The following TRIM24 variants were observed in gnomAD, a reference collection of about 807,000 sequenced individuals.
The protein encoded by TRIM24 is transcription intermediary factor 1-alpha.
TRIM24 carries 29 observed loss-of-function variants against 123.9 expected under a neutral mutation model. The ratio of observed to expected loss-of-function variants is 0.23; its 90% confidence interval spans 0.17 to 0.32. The LOEUF (loss-of-function observed/expected upper bound fraction) is 0.32. Among genes scored for constraint, TRIM24 ranks in the 10% least tolerant of loss-of-function variants. The pLI is 1.00. For synonymous variants in TRIM24, 456 were observed against 461.1 expected (o/e 0.99, Z 0.14); for missense variants, 932 against 1,295.3 (o/e 0.72, Z 4.31).
rs545132928 is a variant in TRIM24 at position 138,524,610 on chromosome 7, C to T, written c.765-631C>T. Among the ~76,000 whole-genome samples, 3 of 152,172 alleles carry T rather than the reference C, an allele frequency of 2.0e-5. No individual in the cohort carries two copies. The South Asian group carries it at 6.2e-4, about 32-fold the overall frequency. Reference sequence around the variant, plus strand: ...TTTATAGAAAAACTTAAATAAAATTCTTGTTATGTATCTTCTATATCGTTG... The same window carrying T: ...TTTATAGAAAAACTTAAATAAAATTTTTGTTATGTATCTTCTATATCGTTG... On this transcript the variant is annotated intron_variant, in intron 4 of 18. Coordinates refer to ENST00000343526, the MANE Select transcript of TRIM24 (RefSeq NM_015905.3).
chr7:138,553,761 T>C (rs1797259889), intron 8 of TRIM24, among the ~76,000 whole-genome samples: 1 of 152,190 alleles, frequency 6.6e-6, no homozygotes, highest in Non-Finnish European at 1.5e-5. Context: ...CAAAGTATAG[T>C]CTGGTACTCT....
rs1794935950 is a variant in TRIM24, at chr7:138,460,571, C to T, written c.23C>T (p.Ala8Val). 5.3e-6 allele frequency: 7 copies of T among 1,314,178 alleles called. No homozygotes were observed. The South Asian group carries it at 1.2e-4, about 23-fold the overall frequency. 81.4% of individuals were successfully genotyped at this position (1,314,178 alleles called of 1,614,324 possible). ...ACAATGGAGGTGGCGGTGGAGAAGG[C>T]GGTGGCGGCGGCGGCAGCGGCCTCG... The part of the protein sequence containing the change: MEVAVEK[A>V]VAAAAAASAA... The change falls in exon 1 of 19, where the codon GCG becomes GTG. Residue 8 changes from alanine (A) to valine (V), a missense_variant. This residue lies in a region of TRIM24 where 164 missense variants were observed against 181.9 expected (regional missense o/e 0.90). Transcript: ENST00000343526.
At chr7:138,475,143 A>C (rs1795367827) in intron 1 of TRIM24, among the ~76,000 whole-genome samples, 1 of 152,322 alleles carries the variant, frequency 6.6e-6, no homozygotes, top group African/African-American at 2.4e-5. Context: ...AAGAGATATT[A>C]CTACTTTAAA....
chr7:138,584,637 TCA>T, intron 18 of TRIM24, 103 bp from the exon 19 acceptor site: 1 of 872,562 alleles, frequency 1.1e-6, no homozygotes, highest in Non-Finnish European at 1.7e-6. Flanking sequence ...AACTATTATT[TCA>T]ATGACTATGC....
Position 138,587,165 on chromosome 7 carries a change from C to T in TRIM24, c.*2214C>T, listed in dbSNP as rs1440535833. 6.6e-6 allele frequency: 1 copy of T among 152,060 alleles called. No homozygotes were observed. Among genetic ancestry groups the T allele is most frequent in the Non-Finnish European group, 1.5e-5 (1 of 68,034 alleles). 9.4% of individuals were successfully genotyped at this position (152,060 alleles called of 1,614,324 possible). ...GTCAAGAGTTCGAGATCAGCCTGGCCAACATTGTGAAACCCCGCCTCTACA... is the reference window on the plus strand; with the variant it reads ...GTCAAGAGTTCGAGATCAGCCTGGCTAACATTGTGAAACCCCGCCTCTACA... On this transcript the variant is annotated 3_prime_UTR_variant, in exon 19 of 19. Coordinates refer to ENST00000343526, the MANE Select transcript of TRIM24 (RefSeq NM_015905.3).
chr7:138,570,907 T>C lies in TRIM24; in HGVS notation c.1782T>C (p.Thr594=). 1 of 1,614,126 alleles carries C rather than the reference T, an allele frequency of 6.2e-7. No homozygotes were observed. Among genetic ancestry groups the C allele is most frequent in the East Asian group, 2.2e-5 (1 of 44,888 alleles). ...TSSTPSSPTI[T]SAAGYDGKAF... is the part of the protein sequence containing the mutation. ...CTACTCCTTCCAGCCCCACGATTAC[T>C]AGTGCAGCAGGATATGATGGAAAGG... Residue 594 remains threonine (T), a synonymous_variant, in exon 11 of 19, where the codon ACT becomes ACC. Coordinates refer to ENST00000343526, the MANE Select transcript of TRIM24 (RefSeq NM_015905.3).
In TRIM24 at chr7:138,467,498, C is replaced by T. The variant is rs189827537; in HGVS notation, c.364+6586C>T. 5.0e-4 allele frequency among the ~76,000 whole-genome samples: 76 copies of T among 152,262 alleles called. 1 individual carries two copies. The highest frequency in any genetic ancestry group is 1.8e-3 in the African/African-American group (74 of 41,554). On this transcript the variant is annotated intron_variant, in intron 1 of 18. Coordinates refer to ENST00000343526, the MANE Select transcript of TRIM24 (RefSeq NM_015905.3). ...CTGGGACTATAGGCATGCGCCACTA[C>T]GCCCAGCTGATTTTTGTATTTTTTA... is the stretch of plus-strand genomic sequence containing the variant.
intron 16 of TRIM24, 35 bp downstream of exon 16, chr7:138,580,729 G>T (rs763917411): frequency 1.3e-6 from 2 of 1,596,602 alleles, no homozygotes; most frequent in Admixed American, 3.4e-5. Context: ...TTGTATTGTA[G>T]TGCAATATTG....
At chr7:138,473,299 T>G (rs1437568685) in intron 1 of TRIM24, among the ~76,000 whole-genome samples, 1 of 152,132 alleles carries the variant, frequency 6.6e-6, no homozygotes, top group Non-Finnish European at 1.5e-5. Context: ...ATAATAATAA[T>G]TCCTTAAGTT....
intron 14 of TRIM24, 55 bp from the exon 15 acceptor site, chr7:138,579,149 A>G: frequency 6.9e-7 from 1 of 1,438,938 alleles, no homozygotes; most frequent in Non-Finnish European, 9.4e-7. Context: ...TCAGAATTGC[A>G]TTAGTGATAA....
intron 11 of TRIM24, among the ~76,000 whole-genome samples, chr7:138,572,029 T>A (rs560930611): frequency 1.3e-5 from 2 of 152,232 alleles, no homozygotes; most frequent in African/African-American, 2.4e-5. Flanking sequence ...TTAGGAAATA[T>A]CTTGTACTCT....
rs777612488 is a variant in TRIM24 at position 138,584,900 on chromosome 7, G to A, written c.3102G>A (p.Gln1034=). 2 of 1,613,332 alleles carry A rather than the reference G, an allele frequency of 1.2e-6. No homozygotes were observed. The highest frequency in any genetic ancestry group is 2.7e-5 in the African/African-American group (2 of 74,892). The change falls in exon 19 of 19, where the codon CAG becomes CAA. Residue 1034 remains glutamine, a synonymous_variant. Transcript: ENST00000343526. ...ATGATTCAGATGATGACTTTGTACAGCCCCGGAAGAAACGCCTCAAAAGCA... is the reference window on the plus strand; with the variant it reads ...ATGATTCAGATGATGACTTTGTACAACCCCGGAAGAAACGCCTCAAAAGCA... The part of the protein sequence containing the change: ...FSDDSDDDFV[Q]PRKKRLKSIE...
At chr7:138,546,597 T>G (rs1797107278) in intron 7 of TRIM24, among the ~76,000 whole-genome samples, 1 of 152,140 alleles carries the variant, frequency 6.6e-6, no homozygotes, top group African/African-American at 2.4e-5. Flanking sequence ...CTCAAAAGTT[T>G]TGGAAAAAGA....
chr7:138,473,348 T>TA (rs1795318922), intron 1 of TRIM24, among the ~76,000 whole-genome samples: 2 of 152,228 alleles, frequency 1.3e-5, no homozygotes, highest in African/African-American at 4.8e-5. Flanking sequence ...TCTCTCTACT[T>TA]ACTGTATGCA....
At chr7:138,575,198 G>T (rs188726285) in intron 12 of TRIM24, among the ~76,000 whole-genome samples, 9 of 152,254 alleles carry the variant, frequency 5.9e-5, no homozygotes, top group African/African-American at 2.2e-4. Context: ...GTTTATATAT[G>T]GATGGAGAAG....
chr7:138,562,783 T>A (rs1797453780), intron 9 of TRIM24, among the ~76,000 whole-genome samples: 1 of 152,194 alleles, frequency 6.6e-6, no homozygotes, highest in South Asian at 2.1e-4. Context: ...TGGTGGCTTT[T>A]TTGTGTATAG....
intron 1 of TRIM24, chr7:138,461,148 G>GC (rs1240212563): frequency 1.4e-6 from 1 of 700,028 alleles, no homozygotes; most frequent in African/African-American, 1.8e-5. Context: ...CGCCGCCGCC[G>GC]CCGCTGCTCC....
chr7:138,550,620 G>A (rs1347184011), intron 7 of TRIM24, among the ~76,000 whole-genome samples: 1 of 152,006 alleles, frequency 6.6e-6, no homozygotes, highest in Non-Finnish European at 1.5e-5. Context: ...GAACAGAACT[G>A]TAACAAGGAA....
chr7:138,519,049 T>C (rs1796454945), intron 3 of TRIM24, 140 bp from the exon 4 acceptor site: 1 of 945,332 alleles, frequency 1.1e-6, no homozygotes, highest in Non-Finnish European at 1.6e-6. Context: ...TATCTGTAAT[T>C]CTTAGTGAAA....
Sources: allele counts gnomAD v4.1 joint callset (sites outside exome capture counted in the v4.1 genomes callset), GRCh38; gene constraint gnomAD v4.1.1; regional missense constraint gnomAD v4.1.1; transcripts MANE v1.5; gene names NCBI Gene and HGNC (gene_info 2026-07-23, HGNC 2026-07-21).